The following USP34 variants were observed in gnomAD, a reference collection of about 807,000 sequenced individuals.
The protein encoded by USP34 is ubiquitin carboxyl-terminal hydrolase 34.
A neutral mutation model predicts 460.3 loss-of-function variants in USP34; 70 were observed. The ratio of observed to expected loss-of-function variants is 0.15; its 90% confidence interval spans 0.13 to 0.19. The LOEUF is 0.19. Among genes scored for constraint, USP34 ranks in the 10% least tolerant of loss-of-function variants. The probability of loss-of-function intolerance (pLI) is 1.00; values close to 1 mark genes in which losing one functional copy is unlikely to be tolerated. For synonymous variants in USP34, 1,647 were observed against 1,405.3 expected, an observed-to-expected ratio of 1.17 and a Z score of -3.85; for missense variants, 3,985 against 4,236.2, an observed-to-expected ratio of 0.94 and a Z score of 1.65.
intron 67 of USP34, among the ~76,000 whole-genome samples, chr2:61,216,308 A>C (rs1687394839): frequency 6.6e-6 from 1 of 152,216 alleles, no homozygotes. Flanking sequence ...GATTTAAAAA[A>C]GCCATTTGGC....
In USP34 at chr2:61,395,183, A is replaced by G. The variant is rs1470313525; in HGVS notation, c.603T>C (p.Asn201=). Residue 201 remains asparagine (N), a splice_region_variant and synonymous_variant, in exon 4 of 80, where the codon AAT becomes AAC. Transcript: ENST00000398571. Reference sequence around the variant, plus strand: ...AAGAATAAAAAAGGTAAACACTTACATTCATATCACAGAATGCCCCTAATA... The same window carrying G: ...AAGAATAAAAAAGGTAAACACTTACGTTCATATCACAGAATGCCCCTAATA... ...SNILGAFCDM[N]DVEVPLHLLR... The G allele has an allele frequency of 6.7e-7, 1 of 1,503,074 alleles. No individual in the cohort carries two copies. The highest frequency in any genetic ancestry group is 9.1e-7 in the Non-Finnish European group (1 of 1,099,268). 93.1% of individuals were successfully genotyped at this position (1,503,074 alleles called of 1,614,324 possible).
At chr2:61,202,408 C>T (rs1209028617) in intron 75 of USP34, among the ~76,000 whole-genome samples, 1 of 152,114 alleles carries the variant, frequency 6.6e-6, no homozygotes, top group Non-Finnish European at 1.5e-5. Context: ...AGGGAGGACA[C>T]AGACGCCTAG....
At chr2:61,262,366 C>T (rs1305106873) in intron 43 of USP34, among the ~76,000 whole-genome samples, 1 of 151,994 alleles carries the variant, frequency 6.6e-6, no homozygotes, top group Non-Finnish European at 1.5e-5. Context: ...TAGGACACAA[C>T]GTCCATTGTT....
chr2:61,336,534 G>T (rs1294663332), intron 18 of USP34, among the ~76,000 whole-genome samples: 3 of 151,404 alleles, frequency 2.0e-5, no homozygotes, highest in African/African-American at 7.3e-5. Context: ...CTCAAGCTGG[G>T]TGCAGTGGCT....
At chr2:61,307,304 G>C (rs947108369) in intron 27 of USP34, among the ~76,000 whole-genome samples, 2 of 132,966 alleles carry the variant, frequency 1.5e-5, no homozygotes, top group Admixed American at 1.5e-4. Flanking sequence ...ATCACACACC[G>C]GGGCCTGTCA....
At position 61,281,176 on chromosome 2, in the gene USP34, C is replaced by A. The variant is rs372734446; in HGVS notation, c.5065G>T (p.Asp1689Tyr). The change falls in exon 38 of 80, where the codon GAC (aspartate) becomes TAC (tyrosine). Residue 1689 changes from aspartate (D) to tyrosine (Y), a missense_variant. Physicochemically the swap from Asp to Tyr is radical, Grantham distance 160. Around this residue, in one of 14 missense-constraint regions of USP34, gnomAD observed 1,114 missense variants for 1,122.5 expected, o/e 0.99. Transcript: ENST00000398571. ...KLSLSGLDGG[D>Y]SINRSFLLLA... ...AGCAGAAAAGAACGATTGATTGAGT[C>A]TCCTCCATCCAGCCCTGACAGGGAT... 35 of 1,614,044 alleles carry A rather than the reference C, an allele frequency of 2.2e-5. No individual in the cohort carries two copies. In the African/African-American group the frequency reaches 4.0e-4, roughly 18 times the overall value.
intron 3 of USP34, among the ~76,000 whole-genome samples, chr2:61,400,258 C>T (rs1223234380): frequency 6.6e-6 from 1 of 151,956 alleles, no homozygotes; most frequent in East Asian, 1.9e-4. Flanking sequence ...TACAGGCACC[C>T]GCCACCACGC....
intron 62 of USP34, chr2:61,223,651 A>G (rs1687652417): frequency 5.0e-6 from 1 of 201,790 alleles, no homozygotes; most frequent in East Asian, 1.5e-4. Flanking sequence ...CCAGTTTAAA[A>G]TTACTGTATA....
chr2:61,467,926 CCAACTCT>C (rs986813947), intron 1 of USP34, among the ~76,000 whole-genome samples: 2 of 151,762 alleles, frequency 1.3e-5, no homozygotes, highest in African/African-American at 4.8e-5. Flanking sequence ...AGTTGCCCGG[CCAACTCT>C]GAATTTCTAA....
intron 27 of USP34, among the ~76,000 whole-genome samples, chr2:61,305,850 C>T (rs776235800): frequency 9.2e-5 from 14 of 152,124 alleles, no homozygotes; most frequent in Non-Finnish European, 1.5e-4. Context: ...ACAAACTTTG[C>T]AAGCCAAATA....
At chr2:61,261,003 T>C (rs1688862138) in intron 43 of USP34, among the ~76,000 whole-genome samples, 1 of 152,200 alleles carries the variant, frequency 6.6e-6, no homozygotes, top group Admixed American at 6.5e-5. Flanking sequence ...ATGGCTATTA[T>C]TAAAACAAAC....
chr2:61,223,350 A>T, intron 62 of USP34, 54 bp from the exon 63 acceptor site: 1 of 1,524,872 alleles, frequency 6.6e-7, no homozygotes, highest in Admixed American at 1.8e-5. Flanking sequence ...ATTACTTTAC[A>T]GCGATTTACA....
chr2:61,349,194 A>G (rs1049438233), intron 13 of USP34, 56 bp downstream of exon 13: 8 of 1,566,958 alleles, frequency 5.1e-6, no homozygotes, highest in Non-Finnish European at 1.7e-6. Context: ...TGAACTCTAG[A>G]AAACCACTAT....
chr2:61,244,071 T>C (rs1404381065), intron 51 of USP34, among the ~76,000 whole-genome samples: 1 of 151,176 alleles, frequency 6.6e-6, no homozygotes, highest in Non-Finnish European at 1.5e-5. Flanking sequence ...AAATCTGGAA[T>C]GTGTATCATT....
chr2:61,274,571 G>A lies in USP34; in HGVS notation c.5433+3594C>T, dbSNP rs1689316983. On this transcript the variant is annotated intron_variant, in intron 41 of 79. Transcript: ENST00000398571. ...AAGGAAAAGGATCTGAGCAGTCAGA[G>A]AAAAGATAACACAAATGGCTTTCAA... Among the ~76,000 whole-genome samples the A allele has an allele frequency of 2.0e-5, 3 of 152,074 alleles. No homozygotes were observed. The South Asian group carries it at 6.2e-4, about 31-fold the overall frequency.
intron 41 of USP34, among the ~76,000 whole-genome samples, chr2:61,273,588 G>A (rs1689283553): frequency 6.6e-6 from 1 of 152,070 alleles, no homozygotes. Context: ...TGTGGTGCCA[G>A]GTGCCTGTAG....
intron 67 of USP34, among the ~76,000 whole-genome samples, chr2:61,216,952 A>G (rs1485410405): frequency 6.6e-6 from 1 of 151,088 alleles, no homozygotes; most frequent in Non-Finnish European, 1.5e-5. Flanking sequence ...ATTTGGTGTG[A>G]GTTATATACT....
chr2:61,283,163 C>T lies in USP34; in HGVS notation c.4980G>A (p.Leu1660=). ...SDHLQDWLKK[L]TLLIPETAVR... is the part of the protein sequence containing the mutation. ...ATCTTACCTCAGGAATAAGGAGAGT[C>T]AATTTCTTTAGCCAATCTTGTAAAT... The change falls in exon 37 of 80, where the codon TTG becomes TTA. Residue 1660 remains leucine, a synonymous_variant. Coordinates refer to ENST00000398571, the MANE Select transcript of USP34 (RefSeq NM_014709.4). 1.2e-6 allele frequency: 2 copies of T among 1,613,252 alleles called. No individual in the cohort carries two copies. Among genetic ancestry groups the T allele is most frequent in the East Asian group, 2.2e-5 (1 of 44,776 alleles).
intron 10 of USP34, among the ~76,000 whole-genome samples, chr2:61,365,826 AGAG>A (rs1692420064): frequency 6.6e-6 from 1 of 152,216 alleles, no homozygotes; most frequent in African/African-American, 2.4e-5. Context: ...ATCATCCTCT[AGAG>A]AAGAAAATCA....
Sources: gnomAD v4.1 joint callset for allele counts (sites outside exome capture counted in the v4.1 genomes callset) on GRCh38, gnomAD v4.1.1 for gene constraint, gnomAD v4.1.1 regional missense constraint, MANE v1.5 for transcripts, NCBI Gene and HGNC (gene_info 2026-07-23, HGNC 2026-07-21) for gene names.